The following NOL4L variants were observed in gnomAD, a reference collection of about 807,000 sequenced individuals.
NOL4L encodes the protein nucleolar protein 4-like.
In NOL4L, 7 loss-of-function variants were observed where a neutral mutation model predicts 64.5. The ratio of observed to expected loss-of-function variants is 0.11; its 90% CI spans 0.06 to 0.20. The LOEUF (loss-of-function observed/expected upper bound fraction) is 0.20, where lower values mean the gene tolerates loss of function less well. Among genes scored for constraint, NOL4L ranks in the 10% least tolerant of loss-of-function variants. The pLI, the probability that NOL4L is intolerant of heterozygous loss-of-function variation, is 1.00. For synonymous variants in NOL4L, 413 were observed against 401.0 expected (o/e 1.03, Z -0.36); for missense variants, 680 against 967.1 (o/e 0.70, Z 3.94).
At chr20:32,467,716 G>A (rs1376843193) in intron 5 of NOL4L, among the ~76,000 whole-genome samples, 1 of 152,204 alleles carries the variant, frequency 6.6e-6, no homozygotes, top group Non-Finnish European at 1.5e-5. Context: ...CTGGCAAGGT[G>A]GGCCAAGATG....
chr20:32,521,501 G>A (rs1480147164), intron 2 of NOL4L, among the ~76,000 whole-genome samples: 1 of 152,142 alleles, frequency 6.6e-6, no homozygotes, highest in African/African-American at 2.4e-5. Flanking sequence ...TTGGAGAGGT[G>A]AGCTGACTCC....
intron 1 of NOL4L, among the ~76,000 whole-genome samples, chr20:32,534,432 A>G (rs2018446207): frequency 6.6e-6 from 1 of 152,248 alleles, no homozygotes; most frequent in African/African-American, 2.4e-5. Context: ...ATGCCGCTCC[A>G]TCCCATCCAG....
chr20:32,468,707 T>C (rs56928078), intron 5 of NOL4L, among the ~76,000 whole-genome samples: 7,338 of 152,000 alleles, frequency 0.048, 585 homozygotes, highest in African/African-American at 0.17. Flanking sequence ...CAGACCAGCC[T>C]GACCAACATG....
At chr20:32,459,898 A>T (rs1232795961) in intron 5 of NOL4L, among the ~76,000 whole-genome samples, 6 of 152,222 alleles carry the variant, frequency 3.9e-5, no homozygotes, top group African/African-American at 7.2e-5. Context: ...TATTCATACG[A>T]TGGAATAGTA....
chr20:32,452,560 G>T, intron 9 of NOL4L, 123 bp from the exon 10 acceptor site: 2 of 951,142 alleles, frequency 2.1e-6, no homozygotes, highest in Non-Finnish European at 3.1e-6. Context: ...GCTGCGGTTT[G>T]ACCTGTGGGA....
chr20:32,521,395 C>A (rs374043947), intron 2 of NOL4L, among the ~76,000 whole-genome samples: 1 of 152,168 alleles, frequency 6.6e-6, no homozygotes, highest in East Asian at 1.9e-4. Flanking sequence ...AGGTCAAGAA[C>A]CTTCTTAGGA....
In NOL4L at chr20:32,542,422, CG is replaced by C. The variant is rs1217271488; in HGVS notation, c.322-14510del. ...AGACTGGAGTATAGTGGCAGGATCA[CG>C]GCTCACTGCAGCCTCGACCTCCAAG... On this transcript the variant is annotated intron_variant, in intron 1 of 10. Coordinates refer to ENST00000621426, the MANE Select transcript of NOL4L (RefSeq NM_001256798.2). Among the ~76,000 whole-genome samples, 6 of 152,280 alleles carry C rather than the reference CG, an allele frequency of 3.9e-5. No homozygotes were observed. The East Asian group carries it at 1.2e-3, about 29-fold the overall frequency.
chr20:32,546,793 G>A (rs1246691751), intron 1 of NOL4L, among the ~76,000 whole-genome samples: 1 of 152,222 alleles, frequency 6.6e-6, no homozygotes, highest in Non-Finnish European at 1.5e-5. Context: ...ACAGGAGAGA[G>A]CATGGGTGTT....
intron 1 of NOL4L, among the ~76,000 whole-genome samples, chr20:32,545,359 C>T (rs1458402760): frequency 6.6e-6 from 1 of 152,170 alleles, no homozygotes; most frequent in Non-Finnish European, 1.5e-5. Flanking sequence ...TGTTGACAAC[C>T]CCAAGCCCCA....
At chr20:32,515,402 T>A (rs1229228507) in intron 3 of NOL4L, among the ~76,000 whole-genome samples, 2 of 151,622 alleles carry the variant, frequency 1.3e-5, no homozygotes, top group African/African-American at 4.8e-5. Context: ...ACATTCTAGG[T>A]GAGGAAATGA....
chr20:32,444,912 G>A lies in NOL4L; in HGVS notation c.*2684C>T, dbSNP rs549317994. On this transcript the variant is annotated 3_prime_UTR_variant, in exon 11 of 11. Transcript: ENST00000621426. ...AGCTCTTTGGTGCCCTCCAAGTCGG[G>A]AGTAGGGGGAAGGGGTTGAAGCTGC... is the stretch of plus-strand genomic sequence containing the variant. The A allele has an allele frequency of 6.6e-6, 1 of 151,160 alleles. No individual in the cohort carries two copies. The highest frequency in any genetic ancestry group is 1.5e-5 in the Non-Finnish European group (1 of 67,954). The allele number at this position is 151,160 out of a possible 1,614,324, so 9.4% of individuals were successfully genotyped here. A position where few individuals can be genotyped will look rare whatever the true frequency, so the allele number is the denominator to read the frequency against.
intron 5 of NOL4L, among the ~76,000 whole-genome samples, chr20:32,472,031 G>A (rs899212539): frequency 6.6e-6 from 1 of 152,130 alleles, no homozygotes; most frequent in Non-Finnish European, 1.5e-5. Context: ...ACCAACACAG[G>A]TGTGTCATCA....
chr20:32,486,640 TAAAA>T (rs111823457), intron 4 of NOL4L: 4 of 364,880 alleles, frequency 1.1e-5, no homozygotes, highest in Non-Finnish European at 2.3e-5. Context: ...GTCAAAACAT[TAAAA>T]AAAAAAATTA....
chr20:32,567,542 C>T (rs573801457), intron 1 of NOL4L, among the ~76,000 whole-genome samples: 28 of 152,326 alleles, frequency 1.8e-4, no homozygotes, highest in Middle Eastern at 3.4e-3. Context: ...CAGACTCATA[C>T]ACTTCCCCTG....
At chr20:32,511,610 C>T (rs929571323) in intron 3 of NOL4L, among the ~76,000 whole-genome samples, 154 bp from the exon 4 acceptor site, 1 of 151,998 alleles carries the variant, frequency 6.6e-6, no homozygotes, top group African/African-American at 2.4e-5. Context: ...CCACATCTGG[C>T]CCAGAGATGT....
intron 5 of NOL4L, among the ~76,000 whole-genome samples, chr20:32,470,224 C>T (rs951072821): frequency 1.3e-5 from 2 of 152,258 alleles, no homozygotes; most frequent in African/African-American, 4.8e-5. Flanking sequence ...ACGGGCCTCA[C>T]ATTTTCCGCT....
intron 1 of NOL4L, among the ~76,000 whole-genome samples, chr20:32,582,455 C>T (rs1037990187): frequency 5.9e-5 from 9 of 152,172 alleles, no homozygotes; most frequent in African/African-American, 2.2e-4. Flanking sequence ...CTGCATGTGG[C>T]CTGGATAGGG....
At chr20:32,499,405 C>T (rs1472433420) in intron 4 of NOL4L, among the ~76,000 whole-genome samples, 1 of 152,016 alleles carries the variant, frequency 6.6e-6, no homozygotes, top group Non-Finnish European at 1.5e-5. Flanking sequence ...AGTATTTTTC[C>T]TCCACCAAAA....
intron 1 of NOL4L, among the ~76,000 whole-genome samples, chr20:32,555,543 C>T (rs1397351406): frequency 6.6e-6 from 1 of 151,968 alleles, no homozygotes; most frequent in Non-Finnish European, 1.5e-5. Flanking sequence ...AGCAATTCTC[C>T]TGCCTCAGAG....
Sources: gnomAD v4.1 joint callset for allele counts (sites outside exome capture counted in the v4.1 genomes callset) on GRCh38, gnomAD v4.1.1 for gene constraint, MANE v1.5 for transcripts, NCBI Gene and HGNC (gene_info 2026-07-23, HGNC 2026-07-21) for gene names.